GCC2: variants seen among roughly 807,000 people sequenced by gnomAD.
The protein encoded by GCC2 is GRIP and coiled-coil domain containing 2, also known as GRIP and coiled-coil domain-containing protein 2.
In GCC2, 120 loss-of-function variants were observed where a neutral mutation model predicts 210.6. That is an observed-to-expected ratio of 0.57 (90% CI 0.49 to 0.66). The LOEUF (loss-of-function observed/expected upper bound fraction) is 0.66, where lower values mean the gene tolerates loss of function less well. Ranked by LOEUF, GCC2 falls within the 30% of genes least tolerant of loss-of-function variation. GCC2 has a pLI of 0.00. For missense variants in GCC2, 1,868 were observed against 1,871.9 expected, an observed-to-expected ratio of 1.00 and a Z score of 0.04; for synonymous variants, 703 against 652.7, an observed-to-expected ratio of 1.08 and a Z score of -1.17.
In GCC2 at chr2:108,496,916, C is replaced by T. The variant is rs1573232183; in HGVS notation, c.4643-54C>T. 1.9e-6 allele frequency: 3 copies of T among 1,607,394 alleles called. 1 individual carries two copies. In the South Asian group the frequency reaches 3.4e-5, roughly 18 times the overall value. On this transcript the variant is annotated intron_variant, in intron 20 of 22. Coordinates refer to ENST00000309863, the MANE Select transcript of GCC2 (RefSeq NM_181453.4). ...TATTTAGATTTTTCTTATTTAGAATCTTCATCTTTAATGTATGATTTTGAA... is the reference window on the plus strand; with the variant it reads ...TATTTAGATTTTTCTTATTTAGAATTTTCATCTTTAATGTATGATTTTGAA...
intron 7 of GCC2, 34 bp from the exon 8 acceptor site, chr2:108,475,501 G>A: frequency 1.0e-6 from 1 of 1,002,630 alleles, no homozygotes; most frequent in Non-Finnish European, 1.4e-6. Context: ...TTCCTTTTGA[G>A]TTCGTATGTA....
In GCC2 at chr2:108,451,009, A is replaced by T. The variant is rs770916296; in HGVS notation, c.64-19A>T. 2 of 1,560,078 alleles carry T rather than the reference A, an allele frequency of 1.3e-6. No individual in the cohort carries two copies. The highest frequency in any genetic ancestry group is 3.4e-5 in the Admixed American group (2 of 59,372). On this transcript the variant is annotated intron_variant, in intron 2 of 22. Transcript: ENST00000309863. ...AAACATGAGTTATAACAAGTTGGTA[A>T]CATGACCACATCTTTCAGCTGGAAA...
intron 4 of GCC2, among the ~76,000 whole-genome samples, chr2:108,460,439 CTT>C (rs1680508347): frequency 6.6e-6 from 1 of 152,018 alleles, no homozygotes; most frequent in East Asian, 1.9e-4. Flanking sequence ...GTTCCTTTCT[CTT>C]ATTGTTTGTT....
In GCC2 at chr2:108,451,098, A is replaced by G; in HGVS notation, c.134A>G (p.Lys45Arg). 3 of 1,603,642 alleles carry G rather than the reference A, an allele frequency of 1.9e-6. No homozygotes were observed. The highest frequency in any genetic ancestry group is 2.6e-6 in the Non-Finnish European group (3 of 1,170,554). ...KKQMMLIQKAKSRCTELEKEI... is the reference protein window; with the variant it reads ...KKQMMLIQKARSRCTELEKEI... Reference sequence around the variant, plus strand: ...CAGATGATGCTAATACAGAAAGCTAAATCAAGGTGTACAGGTATTGGGTTG... The same window carrying G: ...CAGATGATGCTAATACAGAAAGCTAGATCAAGGTGTACAGGTATTGGGTTG... The change falls in exon 3 of 23, where the codon AAA becomes AGA. Residue 45 changes from lysine to arginine, a missense_variant. Physicochemically the swap from Lys to Arg is conservative, Grantham distance 26. Around this residue, in one of 3 missense-constraint regions of GCC2, gnomAD observed 1,847 missense variants for 1,765.2 expected, o/e 1.05. Transcript: ENST00000309863.
intron 17 of GCC2, 79 bp downstream of exon 17, chr2:108,487,899 G>GT: frequency 3.3e-5 from 23 of 707,122 alleles, no homozygotes; most frequent in East Asian, 2.2e-4. Flanking sequence ...ATCCTATTAT[G>GT]ATTTTTTTTT....
At chr2:108,504,031 T>C (rs943943430) in intron 22 of GCC2, among the ~76,000 whole-genome samples, 11 of 152,254 alleles carry the variant, frequency 7.2e-5, no homozygotes, top group African/African-American at 2.4e-4. Flanking sequence ...TTGTTTGTTA[T>C]AAGGAGTTCG....
intron 3 of GCC2, 60 bp from the exon 4 acceptor site, chr2:108,452,339 T>TTTCCCAG: frequency 2.3e-6 from 2 of 881,630 alleles, no homozygotes; most frequent in Non-Finnish European, 3.8e-6. Flanking sequence ...TACTTATCAG[T>TTTCCCAG]TTCCCAGTAA....
chr2:108,491,705 G>A lies in GCC2; in HGVS notation c.4230-868G>A, dbSNP rs1239190809. Among the ~76,000 whole-genome samples the A allele has an allele frequency of 2.6e-5, 4 of 151,846 alleles. No homozygotes were observed. The East Asian group carries it at 5.8e-4, about 22-fold the overall frequency. ...AGGGGCTTTTACTTTTTTCTCTGACGGCTTTTGTATTTTTTAAATTTTTAT... is the reference window on the plus strand; with the variant it reads ...AGGGGCTTTTACTTTTTTCTCTGACAGCTTTTGTATTTTTTAAATTTTTAT... On this transcript the variant is annotated intron_variant, in intron 18 of 22. Transcript: ENST00000309863.
At position 108,460,443 on chromosome 2, in the gene GCC2, T is replaced by C. The variant is rs1325449827; in HGVS notation, c.216+7977T>C. Among the ~76,000 whole-genome samples, 7 of 152,184 alleles carry C rather than the reference T, an allele frequency of 4.6e-5. 1 individual carries two copies. Among genetic ancestry groups the C allele is most frequent in the South Asian group, 4.1e-4 (2 of 4,828 alleles). ...ATATATTCTTTGTTCCTTTCTCTTA[T>C]TGTTTGTTATAGTGGTTTGCTGTCT... On this transcript the variant is annotated intron_variant, in intron 4 of 22. Coordinates refer to ENST00000309863, the MANE Select transcript of GCC2 (RefSeq NM_181453.4).
chr2:108,456,589 G>C (rs1355705025), intron 4 of GCC2, among the ~76,000 whole-genome samples: 1 of 152,022 alleles, frequency 6.6e-6, no homozygotes, highest in Non-Finnish European at 1.5e-5. Context: ...CTGGGTATTA[G>C]TCCCATATTG....
chr2:108,500,189 C>T (rs1034086869), intron 22 of GCC2, among the ~76,000 whole-genome samples: 7 of 152,092 alleles, frequency 4.6e-5, no homozygotes, highest in Admixed American at 2.0e-4. Flanking sequence ...CTATATACAG[C>T]AGTCCACTTT....
intron 2 of GCC2, 71 bp downstream of exon 2, chr2:108,449,760 G>T: frequency 1.7e-6 from 2 of 1,192,804 alleles, no homozygotes; most frequent in Non-Finnish European, 2.4e-6. Flanking sequence ...CTTTGGCATG[G>T]GGAAGGGGGG....
At chr2:108,453,784 TTA>T (rs1680089612) in intron 4 of GCC2, among the ~76,000 whole-genome samples, 2 of 102,426 alleles carry the variant, frequency 2.0e-5, no homozygotes, top group South Asian at 6.6e-4. Context: ...GACTCCGTTT[TTA>T]AAAAAAAAAA....
rs3085045 is a variant in GCC2 at position 108,508,893 on chromosome 2, CTTAAT to C, written c.*1271_*1275del. ...TTCTCTTAAGCCTTCAGTTTATACT[CTTAAT>C]TTAATTTTCTTTCTGAGCTGGAGAA... On this transcript the variant is annotated 3_prime_UTR_variant, in exon 23 of 23. Transcript: ENST00000309863. The C allele has an allele frequency of 2.4e-4, 36 of 152,624 alleles. No individual in the cohort carries two copies. Among genetic ancestry groups the C allele is most frequent in the Non-Finnish European group, 3.2e-4 (22 of 68,026 alleles). The allele number at this position is 152,624 out of a possible 1,614,324, so 9.5% of individuals were successfully genotyped here.
At position 108,470,462 on chromosome 2, in the gene GCC2, A is replaced by T. The variant is rs1681136363; in HGVS notation, c.1133A>T (p.His378Leu). The change falls in exon 6 of 23, where the codon CAT becomes CTT. Residue 378 changes from histidine (H) to leucine (L), a missense_variant. This residue lies in a region of GCC2 where 1,847 missense variants were observed against 1,765.2 expected (regional missense o/e 1.05). Coordinates refer to ENST00000309863, the MANE Select transcript of GCC2 (RefSeq NM_181453.4). Reference sequence around the variant, plus strand: ...CAACATATAAAGGATGAGTTTTTTCATGAACGGGAAGACTTAGAGTTTAAA... The same window carrying T: ...CAACATATAAAGGATGAGTTTTTTCTTGAACGGGAAGACTTAGAGTTTAAA... ...DAQHIKDEFF[H>L]EREDLEFKIN... is the part of the protein sequence containing the mutation. 6.2e-7 allele frequency: 1 copy of T among 1,608,342 alleles called. No homozygotes were observed. Among genetic ancestry groups the T allele is most frequent in the Non-Finnish European group, 8.5e-7 (1 of 1,175,188 alleles).
At chr2:108,474,133 G>C (rs1247093930) in intron 7 of GCC2, among the ~76,000 whole-genome samples, 1 of 152,154 alleles carries the variant, frequency 6.6e-6, no homozygotes, top group African/African-American at 2.4e-5. Context: ...ACTCCAGCCT[G>C]GGCGACAGAG....
intron 19 of GCC2, chr2:108,493,788 A>G: frequency 7.1e-6 from 7 of 985,474 alleles, no homozygotes; most frequent in Non-Finnish European, 8.4e-6. Context: ...CAAAGAATCA[A>G]CAAAGGAAGT....
chr2:108,454,513 A>ACAGTAGT (rs926138738), intron 4 of GCC2, among the ~76,000 whole-genome samples: 7 of 152,180 alleles, frequency 4.6e-5, no homozygotes, highest in Non-Finnish European at 8.8e-5. Flanking sequence ...TACTGAGTTC[A>ACAGTAGT]CAGTAGTCTT....
chr2:108,475,535 A>G lies in GCC2; in HGVS notation c.2861A>G (p.Glu954Gly), dbSNP rs761600051. 1 of 1,385,598 alleles carries G rather than the reference A, an allele frequency of 7.2e-7. No individual in the cohort carries two copies. The highest frequency in any genetic ancestry group is 2.3e-5 in the East Asian group (1 of 42,806). 85.8% of individuals were successfully genotyped at this position (1,385,598 alleles called of 1,614,324 possible). Residue 954 changes from glutamate to glycine, a missense_variant and splice_region_variant, in exon 8 of 23, where the codon GAA (glutamate) becomes GGA (glycine). Glu to Gly is a moderately conservative substitution (Grantham distance 98). Transcript: ENST00000309863. ...SSVKELEEKI[E>G]NLEKECKEKE... is the part of the protein sequence containing the mutation. ...TAATCCATTTATTTTCTATTTTTAG[A>G]AAATCTGGAAAAAGAATGCAAAGAA... is the stretch of plus-strand genomic sequence containing the variant.
Sources: allele counts gnomAD v4.1 joint callset (sites outside exome capture counted in the v4.1 genomes callset), GRCh38; gene constraint gnomAD v4.1.1; regional missense constraint gnomAD v4.1.1; transcripts MANE v1.5; gene names NCBI Gene and HGNC (gene_info 2026-07-23, HGNC 2026-07-21).